CPVL: variants seen among roughly 807,000 people sequenced by gnomAD.
CPVL encodes the protein probable serine carboxypeptidase CPVL.
CPVL carries 51 observed loss-of-function variants against 63.7 expected under a neutral mutation model. The ratio of observed to expected loss-of-function variants is 0.80; its 90% CI spans 0.64 to 1.01. The LOEUF is 1.01. Among genes scored for constraint, CPVL ranks in the 50% least tolerant of loss-of-function variants. CPVL has a pLI of 0.00. For missense variants in CPVL, 530 were observed against 573.1 expected (o/e 0.92, Z 0.77); for synonymous variants, 195 against 206.0 (o/e 0.95, Z 0.46).
chr7:29,010,411 A>T (rs574682018), intron 12 of CPVL: 2 of 152,044 alleles, frequency 1.3e-5, no homozygotes, highest in African/African-American at 4.8e-5. Flanking sequence ...GTCAACAGGG[A>T]TGTTTCAAAT....
chr7:29,080,516 A>G (rs1291070724), intron 7 of CPVL, among the ~76,000 whole-genome samples: 1 of 151,202 alleles, frequency 6.6e-6, no homozygotes, highest in Non-Finnish European at 1.5e-5. Context: ...TGAGATGGCA[A>G]TGCTGCACTC....
At chr7:29,048,877 C>T (rs1204808402) in intron 11 of CPVL, among the ~76,000 whole-genome samples, 2 of 140,638 alleles carry the variant, frequency 1.4e-5, no homozygotes, top group Admixed American at 7.3e-5. Context: ...AAGGAACCTT[C>T]GAAACCATGT....
chr7:29,064,349 ATTAAC>A (rs1288110071), intron 10 of CPVL, 115 bp from the exon 11 acceptor site: 8 of 572,900 alleles, frequency 1.4e-5, no homozygotes, highest in Non-Finnish European at 2.4e-5. Context: ...TGACGGGACT[ATTAAC>A]TTGTCGCCAT....
intron 12 of CPVL, among the ~76,000 whole-genome samples, chr7:28,996,978 G>A (rs767753164): frequency 6.6e-5 from 10 of 152,184 alleles, no homozygotes; most frequent in South Asian, 2.1e-4. Context: ...AGACACCTAC[G>A]TAACCCAAGC....
At chr7:29,047,932 C>T (rs1171272821) in intron 11 of CPVL, among the ~76,000 whole-genome samples, 1 of 152,116 alleles carries the variant, frequency 6.6e-6, no homozygotes, top group African/African-American at 2.4e-5. Context: ...ATTTTGTATC[C>T]AGTGAAACTA....
chr7:29,044,040 T>C (rs1381316663), intron 11 of CPVL, among the ~76,000 whole-genome samples: 1 of 152,082 alleles, frequency 6.6e-6, no homozygotes, highest in Non-Finnish European at 1.5e-5. Flanking sequence ...ACAAAAGCAT[T>C]GGCTTTCCAT....
In CPVL at chr7:29,064,329, T is replaced by TC. The variant is rs1162625342; in HGVS notation, c.964-96_964-95insG. The stretch of plus-strand genomic sequence containing the variant: ...TGTGAATTTCTCATAACATACAACA[T>TC]GGAGAAACGTGACGGGACTATTAAC... On this transcript the variant is annotated intron_variant, in intron 10 of 12. Transcript: ENST00000265394. The TC allele has an allele frequency of 1.3e-5, 7 of 552,086 alleles. 1 individual carries two copies. The highest frequency in any genetic ancestry group is 2.0e-5 in the Non-Finnish European group (7 of 354,924). 34.2% of individuals were successfully genotyped at this position (552,086 alleles called of 1,614,324 possible). A position where few individuals can be genotyped will look rare whatever the true frequency, so the allele number is the denominator to read the frequency against.
At chr7:29,126,292 C>A (rs911372424) in intron 1 of CPVL, 1 of 152,092 alleles carries the variant, frequency 6.6e-6, no homozygotes, top group South Asian at 2.1e-4. Flanking sequence ...ACCACAGTAA[C>A]CAGCAAACAC....
intron 7 of CPVL, among the ~76,000 whole-genome samples, chr7:29,086,153 A>G (rs950864200): frequency 2.0e-5 from 3 of 152,152 alleles, no homozygotes; most frequent in South Asian, 2.1e-4. Flanking sequence ...TTAGCCGTGC[A>G]TGGTGGCAGG....
intron 3 of CPVL, among the ~76,000 whole-genome samples, chr7:29,185,147 T>C (rs1447402759): frequency 6.6e-6 from 1 of 152,206 alleles, no homozygotes; most frequent in Non-Finnish European, 1.5e-5. Flanking sequence ...ACATCACCTT[T>C]CAACCCCATC....
chr7:29,086,224 G>A (rs146634312), intron 7 of CPVL, among the ~76,000 whole-genome samples: 1,535 of 151,942 alleles, frequency 0.01, 17 homozygotes, highest in African/African-American at 0.035. Flanking sequence ...CCCAGGAGGC[G>A]CAGGTTGCAG....
At chr7:29,149,071 G>A (rs1039392149), upstream of CPVL, among the ~76,000 whole-genome samples, 2 of 152,110 alleles carry the variant, frequency 1.3e-5, no homozygotes, top group South Asian at 2.1e-4. Context: ...AGGGTGGGTC[G>A]GGGGTTAACT....
At chr7:29,074,377 A>T (rs1473153095) in intron 7 of CPVL, among the ~76,000 whole-genome samples, 1 of 152,220 alleles carries the variant, frequency 6.6e-6, no homozygotes, top group Non-Finnish European at 1.5e-5. Context: ...ACTGTGCTAC[A>T]TTCTCTTGTT....
chr7:29,059,923 C>T (rs1791109486), intron 11 of CPVL, among the ~76,000 whole-genome samples: 1 of 152,134 alleles, frequency 6.6e-6, no homozygotes, highest in African/African-American at 2.4e-5. Flanking sequence ...CAGCAATTTG[C>T]CCTGTGACCT....
chr7:29,034,021 T>C lies in CPVL; in HGVS notation c.1138-3262A>G, dbSNP rs151003687. Among the ~76,000 whole-genome samples the C allele has an allele frequency of 9.1e-3, 1,381 of 152,350 alleles. 25 individuals carry two copies. Among genetic ancestry groups the C allele is most frequent in the African/African-American group, 0.032 (1,322 of 41,582 alleles). Reference sequence around the variant, plus strand: ...AAAGAACAAATCAAAATACAGTTATTTGAGCTATGGTTGATTTATTTTAGA... The same window carrying C: ...AAAGAACAAATCAAAATACAGTTATCTGAGCTATGGTTGATTTATTTTAGA... On this transcript the variant is annotated intron_variant, in intron 11 of 12. Coordinates refer to ENST00000265394, the MANE Select transcript of CPVL (RefSeq NM_031311.5).
intron 3 of CPVL, among the ~76,000 whole-genome samples, chr7:29,111,368 T>A (rs1260154761): frequency 1.3e-5 from 2 of 152,208 alleles, no homozygotes; most frequent in Non-Finnish European, 2.9e-5. Flanking sequence ...GGCTCCCAGT[T>A]GGGCTCTACC....
chr7:29,067,793 G>A (rs1230083388), intron 9 of CPVL, among the ~76,000 whole-genome samples: 1 of 152,088 alleles, frequency 6.6e-6, no homozygotes, highest in Non-Finnish European at 1.5e-5. Context: ...TTTTATGGGT[G>A]AGAAAACTGA....
intron 2 of CPVL, among the ~76,000 whole-genome samples, chr7:29,114,874 T>C (rs563771674): frequency 1.9e-4 from 29 of 152,288 alleles, no homozygotes; most frequent in Admixed American, 1.6e-3. Flanking sequence ...GCAGAACTAC[T>C]GTTGCTGTCT....
intron 1 of CPVL, chr7:29,146,080 C>G (rs1792570916): frequency 6.5e-6 from 1 of 153,552 alleles, no homozygotes; most frequent in Non-Finnish European, 1.4e-5. Flanking sequence ...ACCCGCCACC[C>G]TCCCGCGCTA....
Sources: gnomAD v4.1 joint callset for allele counts (sites outside exome capture counted in the v4.1 genomes callset) on GRCh38, gnomAD v4.1.1 for gene constraint, MANE v1.5 for transcripts, NCBI Gene and HGNC (gene_info 2026-07-23, HGNC 2026-07-21) for gene names.